Variants in ICA1 observed in about 807,000 individuals in gnomAD.
The protein encoded by ICA1 is 69 kDa islet cell autoantigen.
A neutral mutation model predicts 71.0 loss-of-function variants in ICA1; 40 were observed. That is an observed-to-expected ratio of 0.56 (90% CI 0.44 to 0.73). The LOEUF (loss-of-function observed/expected upper bound fraction) is 0.73, where lower values mean the gene tolerates loss of function less well. Ranked by LOEUF, ICA1 falls within the 30% of genes least tolerant of loss-of-function variation. ICA1 has a pLI of 0.00. For missense variants in ICA1, 578 were observed against 576.5 expected, an observed-to-expected ratio of 1.00 and a Z score of -0.03; for synonymous variants, 207 against 209.5, an observed-to-expected ratio of 0.99 and a Z score of 0.10.
chr7:8,253,845 C>A (rs567479738), intron 1 of ICA1, among the ~76,000 whole-genome samples: 2 of 151,930 alleles, frequency 1.3e-5, no homozygotes, highest in African/African-American at 4.8e-5. Flanking sequence ...TACATAGAAA[C>A]GTATGAATGG....
At chr7:8,148,808 C>T (rs183569412) in intron 8 of ICA1, among the ~76,000 whole-genome samples, 1 of 152,134 alleles carries the variant, frequency 6.6e-6, no homozygotes, top group Admixed American at 6.5e-5. Flanking sequence ...AGATGGTATA[C>T]ATTGAAGATA....
rs1387435592 is a variant in ICA1, at chr7:8,139,005, G to C, written c.998C>G (p.Ser333Cys). ...GTTACCTGAGCATGCAGTATGTGTA[G>C]AGCCTTTGTCTAAGGCAGATAAAAT... ...KSILSALDKGSTHTACSGPID... is the reference protein window; with the variant it reads ...KSILSALDKGCTHTACSGPID... Residue 333 changes from serine (S) to cysteine (C), a missense_variant, in exon 11 of 14, where the codon TCT becomes TGT. By Grantham distance (112) the Ser-to-Cys change is moderately radical. Coordinates refer to ENST00000402384, the MANE Select transcript of ICA1 (RefSeq NM_001136020.3). The C allele has an allele frequency of 6.2e-7, 1 of 1,613,358 alleles. No individual in the cohort carries two copies. Among genetic ancestry groups the C allele is most frequent in the Non-Finnish European group, 8.5e-7 (1 of 1,179,476 alleles).
rs1057947 is a variant in ICA1 at position 8,113,349 on chromosome 7, C to G, written c.*574G>C. 129,478 of 152,490 alleles carry G rather than the reference C, an allele frequency of 0.85. 55,970 individuals are homozygous for G. The highest frequency in any genetic ancestry group is 0.94 in the Non-Finnish European group (64,044 of 68,246). The allele number at this position is 152,490 out of a possible 1,614,324, so 9.4% of individuals were successfully genotyped here. A position where few individuals can be genotyped will look rare whatever the true frequency, so the allele number is the denominator to read the frequency against. On this transcript the variant is annotated 3_prime_UTR_variant, in exon 14 of 14. Coordinates refer to ENST00000402384, the MANE Select transcript of ICA1 (RefSeq NM_001136020.3). This position sits in a 1 kb window ranked among gnomAD's most constrained non-coding sequence, Gnocchi z 4.2. ...TCCATAGTAAGGTTTGTGCCTTGGACAGAAGCCCAGCTCCTCCACCAGTGT... is the reference window on the plus strand; with the variant it reads ...TCCATAGTAAGGTTTGTGCCTTGGAGAGAAGCCCAGCTCCTCCACCAGTGT...
intron 7 of ICA1, 31 bp from the exon 8 acceptor site, chr7:8,157,245 T>A: frequency 6.4e-7 from 1 of 1,562,140 alleles, no homozygotes; most frequent in East Asian, 2.2e-5. Context: ...GCTATTAATG[T>A]TTTGAATGCC....
At chr7:8,158,749 C>T (rs1802635217) in intron 6 of ICA1, 97 bp from the exon 7 acceptor site, 1 of 1,249,992 alleles carries the variant, frequency 8.0e-7, no homozygotes, top group East Asian at 2.3e-5. Flanking sequence ...TTCTCTTTCA[C>T]ATATGAAAAG....
In ICA1 at chr7:8,230,236, G is replaced by C. The variant is rs113523118; in HGVS notation, c.184-1563C>G. Among the ~76,000 whole-genome samples the C allele has an allele frequency of 5.4e-3, 825 of 152,270 alleles. 8 individuals carry two copies. The highest frequency in any genetic ancestry group is 0.018 in the African/African-American group (762 of 41,534). ...AAGGATTTCATTAGCAAGCAACGTGGACAAATATTAAAACTCAGCGCAATA... is the reference window on the plus strand; with the variant it reads ...AAGGATTTCATTAGCAAGCAACGTGCACAAATATTAAAACTCAGCGCAATA... On this transcript the variant is annotated intron_variant, in intron 3 of 13. Transcript: ENST00000402384.
chr7:8,194,581 G>A (rs750150850), intron 6 of ICA1, among the ~76,000 whole-genome samples: 14 of 152,170 alleles, frequency 9.2e-5, no homozygotes, highest in Non-Finnish European at 1.9e-4. Flanking sequence ...ACTTCTTCTT[G>A]ACCAAATTAT....
At chr7:8,127,508 G>C (rs1221486600) in intron 13 of ICA1, among the ~76,000 whole-genome samples, 1 of 152,152 alleles carries the variant, frequency 6.6e-6, no homozygotes, top group Non-Finnish European at 1.5e-5. Context: ...CAGCACCCAG[G>C]AAGAGGGCAT....
chr7:8,143,221 A>G (rs951847996), intron 9 of ICA1, among the ~76,000 whole-genome samples: 1 of 152,228 alleles, frequency 6.6e-6, no homozygotes, highest in African/African-American at 2.4e-5. Context: ...ATGTATGAGA[A>G]AGGGAACCAT....
In ICA1 at chr7:8,145,524, A is replaced by C. The variant is rs1796557137; in HGVS notation, c.805-1552T>G. On this transcript the variant is annotated intron_variant, in intron 8 of 13. Coordinates refer to ENST00000402384, the MANE Select transcript of ICA1 (RefSeq NM_001136020.3). ...ATGCCAAATTCAGGAAAGTCTTTCCATATCCAAACTGCACTTCAGTTTTAT... is the reference window on the plus strand; with the variant it reads ...ATGCCAAATTCAGGAAAGTCTTTCCCTATCCAAACTGCACTTCAGTTTTAT... 3.9e-5 allele frequency among the ~76,000 whole-genome samples: 6 copies of C among 152,302 alleles called. No homozygotes were observed. The South Asian group carries it at 1.2e-3, about 32-fold the overall frequency.
At position 8,226,124 on chromosome 7, in the gene ICA1, G is replaced by A. The variant is rs1357621104; in HGVS notation, c.256+2477C>T. ...TTTAGATTTTCCCACATCTGGCTGG[G>A]TTTAAGTATTTTTTGAGTCTATGAA... is the stretch of plus-strand genomic sequence containing the variant. On this transcript the variant is annotated intron_variant, in intron 4 of 13. Coordinates refer to ENST00000402384, the MANE Select transcript of ICA1 (RefSeq NM_001136020.3). This position sits in a 1 kb window ranked among gnomAD's most constrained non-coding sequence, Gnocchi z 4.4. Among the ~76,000 whole-genome samples, 5 of 152,042 alleles carry A rather than the reference G, an allele frequency of 3.3e-5. No individual in the cohort carries two copies. The highest frequency in any genetic ancestry group is 7.4e-5 in the Non-Finnish European group (5 of 68,010).
chr7:8,245,663 A>G (rs1805716614), intron 1 of ICA1, among the ~76,000 whole-genome samples: 1 of 152,200 alleles, frequency 6.6e-6, no homozygotes, highest in Non-Finnish European at 1.5e-5. Context: ...TTAACCCAAT[A>G]TATCTAAATT....
intron 13 of ICA1, among the ~76,000 whole-genome samples, chr7:8,119,072 T>C (rs1055955979): frequency 6.6e-6 from 1 of 152,206 alleles, no homozygotes; most frequent in Middle Eastern, 3.2e-3. Context: ...AGGATGCCTT[T>C]TGGGCCAGTG....
intron 1 of ICA1, among the ~76,000 whole-genome samples, chr7:8,259,751 A>T (rs1811570556): frequency 6.6e-6 from 1 of 152,198 alleles, no homozygotes; most frequent in Non-Finnish European, 1.5e-5. Context: ...TCAGGATCCA[A>T]AGCCCATGAG....
chr7:8,187,724 C>T (rs545018589), intron 6 of ICA1, among the ~76,000 whole-genome samples: 1 of 152,222 alleles, frequency 6.6e-6, no homozygotes, highest in African/African-American at 2.4e-5. Context: ...TCTTTATATC[C>T]TTATTCTATA....
chr7:8,246,295 A>C (rs558932377), intron 1 of ICA1, among the ~76,000 whole-genome samples: 1 of 152,378 alleles, frequency 6.6e-6, no homozygotes, highest in African/African-American at 2.4e-5. Context: ...AAGCAGTTGC[A>C]CCAATAATTA....
chr7:8,258,545 C>T (rs1404020453), intron 1 of ICA1, among the ~76,000 whole-genome samples: 1 of 152,148 alleles, frequency 6.6e-6, no homozygotes, highest in Non-Finnish European at 1.5e-5. Flanking sequence ...GGAGTATCCT[C>T]GCAATACGGC....
chr7:8,196,390 T>C (rs150991332), intron 6 of ICA1, among the ~76,000 whole-genome samples: 271 of 152,306 alleles, frequency 1.8e-3, no homozygotes, highest in Non-Finnish European at 3.2e-3. Flanking sequence ...AGATGACTGC[T>C]CGGGCAATGA....
At chr7:8,207,445 T>G (rs1257774095) in intron 6 of ICA1, among the ~76,000 whole-genome samples, 2 of 152,240 alleles carry the variant, frequency 1.3e-5, no homozygotes, top group African/African-American at 2.4e-5. Context: ...GCTTAATTAT[T>G]AGGAGTGGGA....
Sources: allele counts gnomAD v4.1 joint callset (sites outside exome capture counted in the v4.1 genomes callset), GRCh38; gene constraint gnomAD v4.1.1; non-coding constraint Gnocchi (gnomAD v3.1); transcripts MANE v1.5; gene names NCBI Gene and HGNC (gene_info 2026-07-23, HGNC 2026-07-21).